The following DOK5 variants were observed in gnomAD, a reference collection of about 807,000 sequenced individuals.
DOK5 encodes downstream of tyrosine kinase 5.
A neutral mutation model predicts 43.3 loss-of-function variants in DOK5; 27 were observed. The observed-to-expected ratio is 0.62, with a 90% confidence interval of 0.46 to 0.86. DOK5 has a LOEUF of 0.86. DOK5 is among the 40% of genes least tolerant of loss of function. The pLI is 0.00. For synonymous variants in DOK5, 146 were observed against 140.1 expected (o/e 1.04, Z -0.30); for missense variants, 373 against 392.9 (o/e 0.95, Z 0.43).
intron 7 of DOK5, among the ~76,000 whole-genome samples, chr20:54,645,725 A>G (rs926361579): frequency 1.3e-5 from 2 of 152,172 alleles, no homozygotes; most frequent in African/African-American, 2.4e-5. Context: ...TCTCCCAGGA[A>G]GCAATAATGT....
chr20:54,577,183 C>T (rs1985480885), intron 2 of DOK5, among the ~76,000 whole-genome samples: 1 of 152,200 alleles, frequency 6.6e-6, no homozygotes, highest in African/African-American at 2.4e-5. Context: ...TTGATTTTCA[C>T]TTTATTGATC....
intron 2 of DOK5, among the ~76,000 whole-genome samples, chr20:54,584,950 A>G (rs1264608637): frequency 2.0e-5 from 3 of 152,184 alleles, no homozygotes; most frequent in Non-Finnish European, 2.9e-5. Context: ...CTCATTTGCA[A>G]AATAGAATGA....
chr20:54,644,015 C>T (rs1251363739), intron 7 of DOK5, among the ~76,000 whole-genome samples: 1 of 152,108 alleles, frequency 6.6e-6, no homozygotes, highest in Admixed American at 6.6e-5. Flanking sequence ...CCATGCCCTT[C>T]CCCAGACCTA....
intron 2 of DOK5, among the ~76,000 whole-genome samples, chr20:54,580,113 C>T (rs962835280): frequency 3.9e-5 from 6 of 152,068 alleles, no homozygotes; most frequent in African/African-American, 1.4e-4. Context: ...ATGAACTCAT[C>T]CTTTTTTATG....
At chr20:54,566,387 TG>T (rs1985099214) in intron 2 of DOK5, among the ~76,000 whole-genome samples, 1 of 151,978 alleles carries the variant, frequency 6.6e-6, no homozygotes, top group Admixed American at 6.6e-5. Flanking sequence ...TTCAAGTTCA[TG>T]TTGAATGAAC....
intron 1 of DOK5, among the ~76,000 whole-genome samples, chr20:54,482,923 T>C (rs1267356839): frequency 6.6e-6 from 1 of 152,226 alleles, no homozygotes; most frequent in East Asian, 1.9e-4. Context: ...GGCTTTGGGA[T>C]AACTTTACCA....
At chr20:54,630,223 G>A (rs914247412) in intron 6 of DOK5, among the ~76,000 whole-genome samples, 5 of 152,190 alleles carry the variant, frequency 3.3e-5, no homozygotes. Flanking sequence ...GGTGATGGAG[G>A]TGAGGGAAAG....
intron 1 of DOK5, among the ~76,000 whole-genome samples, chr20:54,533,397 A>G (rs1330038946): frequency 6.6e-6 from 1 of 152,232 alleles, no homozygotes; most frequent in Non-Finnish European, 1.5e-5. Flanking sequence ...TGTGTTTATG[A>G]ACTGGATGAT....
chr20:54,557,331 G>A (rs1350977772), intron 2 of DOK5, among the ~76,000 whole-genome samples: 2 of 152,136 alleles, frequency 1.3e-5, no homozygotes, highest in African/African-American at 4.8e-5. Context: ...AAATGATTAG[G>A]CATTAGATTC....
At chr20:54,622,273 C>G (rs1987004424) in intron 6 of DOK5, among the ~76,000 whole-genome samples, 1 of 152,110 alleles carries the variant, frequency 6.6e-6, no homozygotes, top group Admixed American at 6.5e-5. Context: ...AGACATTTAA[C>G]AGAGACCAAA....
intron 5 of DOK5, among the ~76,000 whole-genome samples, chr20:54,608,406 A>C (rs1986537988): frequency 6.6e-6 from 1 of 152,370 alleles, no homozygotes; most frequent in South Asian, 2.1e-4. Context: ...ACAAAACCTT[A>C]CAGAATTGGA....
intron 1 of DOK5, among the ~76,000 whole-genome samples, chr20:54,535,545 G>A (rs1983933628): frequency 6.6e-6 from 1 of 151,182 alleles, no homozygotes; most frequent in Non-Finnish European, 1.5e-5. Context: ...TTTTGCCACA[G>A]TAGAGTGATA....
Position 54,650,545 on chromosome 20 carries a change from C to A in DOK5, c.*66C>A. ...AGCCACAGATTCACCCAGGAGGTCACAGAATGACAGCAAGGGAAATGACGA... is the reference window on the plus strand; with the variant it reads ...AGCCACAGATTCACCCAGGAGGTCAAAGAATGACAGCAAGGGAAATGACGA... On this transcript the variant is annotated 3_prime_UTR_variant, in exon 8 of 8. Coordinates refer to ENST00000262593, the MANE Select transcript of DOK5 (RefSeq NM_018431.5). 1 of 1,473,304 alleles carries A rather than the reference C, an allele frequency of 6.8e-7. No individual in the cohort carries two copies. Among genetic ancestry groups the A allele is most frequent in the Non-Finnish European group, 9.4e-7 (1 of 1,060,226 alleles). The allele number at this position is 1,473,304 out of a possible 1,614,324, so 91.3% of individuals were successfully genotyped here. A position where few individuals can be genotyped will look rare whatever the true frequency, so the allele number is the denominator to read the frequency against.
chr20:54,614,298 A>G (rs6023411), intron 6 of DOK5, among the ~76,000 whole-genome samples: 2,731 of 152,294 alleles, frequency 0.018, 93 homozygotes, highest in African/African-American at 0.062. Context: ...GAAATTCTGG[A>G]TATTTCAATA....
chr20:54,523,074 G>T (rs1464273270), intron 1 of DOK5, among the ~76,000 whole-genome samples: 1 of 152,118 alleles, frequency 6.6e-6, no homozygotes, highest in Non-Finnish European at 1.5e-5. Flanking sequence ...CTGAATGAAT[G>T]AATGATAGCT....
intron 2 of DOK5, among the ~76,000 whole-genome samples, chr20:54,560,874 G>C (rs1322489948): frequency 2.6e-5 from 4 of 152,012 alleles, no homozygotes; most frequent in African/African-American, 9.7e-5. Flanking sequence ...CACCCACCTT[G>C]GCCTCCCAAA....
At chr20:54,492,762 G>C (rs1293725548) in intron 1 of DOK5, among the ~76,000 whole-genome samples, 1 of 151,400 alleles carries the variant, frequency 6.6e-6, no homozygotes, top group African/African-American at 2.4e-5. Flanking sequence ...ACTTTTTAAA[G>C]GATGTTCTTG....
chr20:54,498,750 A>G (rs569605792), intron 1 of DOK5, among the ~76,000 whole-genome samples: 1 of 152,180 alleles, frequency 6.6e-6, no homozygotes, highest in Non-Finnish European at 1.5e-5. Flanking sequence ...GGAGAAAATC[A>G]TGTTCTATTG....
intron 6 of DOK5, among the ~76,000 whole-genome samples, chr20:54,635,423 G>T (rs1978779356): frequency 6.6e-6 from 1 of 152,008 alleles, no homozygotes; most frequent in Admixed American, 6.5e-5. Flanking sequence ...CTGAAGCCTG[G>T]CACCTGAAGG....
Sources: allele counts gnomAD v4.1 joint callset (sites outside exome capture counted in the v4.1 genomes callset), GRCh38; gene constraint gnomAD v4.1.1; transcripts MANE v1.5; gene names NCBI Gene and HGNC (gene_info 2026-07-23, HGNC 2026-07-21).